Variants in UBTF observed in about 807,000 individuals in gnomAD.
UBTF encodes nucleolar transcription factor 1.
Under a neutral mutation model 112.3 loss-of-function variants are expected in UBTF, and 8 were observed. The observed-to-expected ratio is 0.07, with a 90% CI of 0.04 to 0.13. The LOEUF (loss-of-function observed/expected upper bound fraction) is 0.13, where lower values mean the gene tolerates loss of function less well. Among genes scored for constraint, UBTF ranks in the 10% least tolerant of loss-of-function variants. The pLI is 1.00. For missense variants in UBTF, 457 were observed against 982.1 expected (o/e 0.47, Z 7.15); for synonymous variants, 417 against 373.1 (o/e 1.12, Z -1.36).
At chr17:44,220,059 G>A (rs933470766), upstream of UBTF, among the ~76,000 whole-genome samples, 2 of 130,962 alleles carry the variant, frequency 1.5e-5, no homozygotes, top group Admixed American at 7.3e-5. Context: ...GGCGGCTGCT[G>A]CTGCTGCTGC....
At chr17:44,217,906 C>T (rs1179438950) in intron 2 of UBTF, among the ~76,000 whole-genome samples, 1 of 152,202 alleles carries the variant, frequency 6.6e-6, no homozygotes, top group Non-Finnish European at 1.5e-5. Context: ...ACACTTCAGG[C>T]TGAATGGGAA....
At chr17:44,214,699 A>G (rs903357388) in intron 5 of UBTF, among the ~76,000 whole-genome samples, 9 of 152,188 alleles carry the variant, frequency 5.9e-5, no homozygotes, top group African/African-American at 2.2e-4. Context: ...CAGCCAGGGT[A>G]TGCCAACCAG....
chr17:44,208,643 C>T (rs1334756747), intron 17 of UBTF: 1 of 159,068 alleles, frequency 6.3e-6, no homozygotes, highest in East Asian at 1.9e-4. Flanking sequence ...AGCAAATCCC[C>T]ACAGTCTTCC....
At chr17:44,215,374 GGAGA>G (rs1009988213) in intron 5 of UBTF, 7 of 453,484 alleles carry the variant, frequency 1.5e-5, no homozygotes, top group African/African-American at 9.8e-5. Flanking sequence ...GGTGTATGGG[GGAGA>G]GAGAGCTTGA....
chr17:44,211,799 G>A lies in UBTF; in HGVS notation c.906-52C>T. ...CAGCCCGTAAGCGAGCAGGGCAGCA[G>A]GCCTTCTCACCTGCAGAGCCCAGCC... On this transcript the variant is annotated intron_variant, in intron 9 of 20. Coordinates refer to ENST00000436088, the MANE Select transcript of UBTF (RefSeq NM_014233.4). This position sits in a 1 kb window ranked among gnomAD's most constrained non-coding sequence, Gnocchi z 4.9. 1 of 1,600,270 alleles carries A rather than the reference G, an allele frequency of 6.2e-7. No individual in the cohort carries two copies. The highest frequency in any genetic ancestry group is 8.5e-7 in the Non-Finnish European group (1 of 1,174,642).
At chr17:44,217,898 A>C (rs1212139570) in intron 2 of UBTF, among the ~76,000 whole-genome samples, 2 of 152,064 alleles carry the variant, frequency 1.3e-5, no homozygotes, top group Non-Finnish European at 2.9e-5. Flanking sequence ...GCTGGGACAC[A>C]CTTCAGGCTG....
chr17:44,207,147 G>A lies in UBTF; in HGVS notation c.*95C>T, dbSNP rs753105726. 146 of 1,396,738 alleles carry A rather than the reference G, an allele frequency of 1.0e-4. No individual in the cohort carries two copies. The highest frequency in any genetic ancestry group is 1.3e-4 in the Non-Finnish European group (134 of 1,017,516). The allele number at this position is 1,396,738 out of a possible 1,614,324, so 86.5% of individuals were successfully genotyped here. ...AGAAAGAAAGTGGGGGAGGCCAGGG[G>A]GGCAAGGGACAGAACATGGGGGAGA... On this transcript the variant is annotated 3_prime_UTR_variant, in exon 21 of 21. Coordinates refer to ENST00000436088, the MANE Select transcript of UBTF (RefSeq NM_014233.4).
rs1335990811 is a variant in UBTF, at chr17:44,216,074, C to T, written c.235-85G>A. On this transcript the variant is annotated intron_variant, in intron 3 of 20. Transcript: ENST00000436088. ...TATACCCCCATCTTATAACGGGTCT[C>T]TTCTACTCTTTACTAGACTAAATTT... 106 of 1,097,246 alleles carry T rather than the reference C, an allele frequency of 9.7e-5. 1 individual carries two copies. The East Asian group carries it at 2.2e-3, about 23-fold the overall frequency. The allele number at this position is 1,097,246 out of a possible 1,614,324, so 68.0% of individuals were successfully genotyped here.
rs369951008 is a variant in UBTF at position 44,209,659 on chromosome 17, G to A, written c.1701C>T (p.Pro567=). 51 of 1,614,032 alleles carry A rather than the reference G, an allele frequency of 3.2e-5. No homozygotes were observed. In the African/African-American group the frequency reaches 5.7e-4, roughly 18 times the overall value. ...CCCAGGCTCACATGGGAGGCTTCTT[G>A]GGTTCTCCCTGGAATTTCATCTTCT... ...SSKKMKFQGE[P]KKPPMNGYQK... The change falls in exon 16 of 21, where the codon CCC becomes CCT. Residue 567 remains proline, a synonymous_variant. Transcript: ENST00000436088.
rs774001412 is a variant in UBTF at position 44,211,941 on chromosome 17, C to T, written c.837G>A (p.Lys279=). 2 of 1,613,962 alleles carry T rather than the reference C, an allele frequency of 1.2e-6. No individual in the cohort carries two copies. The highest frequency in any genetic ancestry group is 1.7e-6 in the Non-Finnish European group (2 of 1,179,994). The change falls in exon 9 of 21, where the codon AAG becomes AAA. Residue 279 remains lysine (K), a synonymous_variant. Coordinates refer to ENST00000436088, the MANE Select transcript of UBTF (RefSeq NM_014233.4). This position sits in a 1 kb window ranked among gnomAD's most constrained non-coding sequence, Gnocchi z 4.9. ...ELNISEEGIT[K]STLTKAERQL... is the part of the protein sequence containing the mutation. ...GGCGTTCGGCCTTGGTGAGGGTGGA[C>T]TTGGTGATACCCTCCTCACTGATGT...
chr17:44,220,568 AC>A (rs1360113057), upstream of UBTF, among the ~76,000 whole-genome samples: 1 of 150,476 alleles, frequency 6.6e-6, no homozygotes, highest in Non-Finnish European at 1.5e-5. Flanking sequence ...TGCTCTTTAC[AC>A]CCCGGAAACG....
chr17:44,213,374 C>T, intron 5 of UBTF, 92 bp from the exon 6 acceptor site: 1 of 1,362,624 alleles, frequency 7.3e-7, no homozygotes, highest in East Asian at 2.4e-5. Context: ...GCTGGCTCTT[C>T]TGCCTCCCAC....
intron 17 of UBTF, 96 bp from the exon 18 acceptor site, chr17:44,208,007 T>G: frequency 6.7e-7 from 1 of 1,502,704 alleles, no homozygotes; most frequent in South Asian, 1.2e-5. Context: ...AGCATTTATA[T>G]ATCATCACCC....
chr17:44,216,257 T>C, intron 3 of UBTF: 1 of 603,144 alleles, frequency 1.7e-6, no homozygotes, highest in Non-Finnish European at 2.9e-6. Context: ...TGCTAACACC[T>C]CCGTCAATCT....
rs770559932 is a variant in UBTF at position 44,209,636 on chromosome 17, C to G, written c.1715+9G>C. 9 of 1,614,216 alleles carry G rather than the reference C, an allele frequency of 5.6e-6. No homozygotes were observed. Among genetic ancestry groups the G allele is most frequent in the Non-Finnish European group, 7.6e-6 (9 of 1,180,034 alleles). On this transcript the variant is annotated intron_variant, in intron 16 of 20. Transcript: ENST00000436088. The stretch of plus-strand genomic sequence containing the variant: ...GACCTCCAGGGCAGACTCCAACCCC[C>G]AGGCTCACATGGGAGGCTTCTTGGG...
At position 44,209,335 on chromosome 17, in the gene UBTF, G is replaced by T; in HGVS notation, c.1905+17C>A. ...TGATGCCTCTCTGTTCCTTCCAAGG[G>T]TCCCTTGCCCTCTCACCTTAACCCA... is the stretch of plus-strand genomic sequence containing the variant. On this transcript the variant is annotated intron_variant, in intron 17 of 20. Coordinates refer to ENST00000436088, the MANE Select transcript of UBTF (RefSeq NM_014233.4). The T allele has an allele frequency of 5.7e-6, 9 of 1,576,036 alleles. No individual in the cohort carries two copies. The highest frequency in any genetic ancestry group is 6.9e-6 in the Non-Finnish European group (8 of 1,157,890).
rs1221664874 is a variant in UBTF at position 44,212,346 on chromosome 17, C to G, written c.769G>C (p.Glu257Gln). ...HKALEQRKEY[E>Q]EIMRDYIQKH... is the part of the protein sequence containing the mutation. ...GAGGAGCGCAGCGGAAGCCTAACCT[C>G]GTACTCCTTCCGCTGCTCCAGGGCC... is the stretch of plus-strand genomic sequence containing the variant. Residue 257 changes from glutamate (E) to glutamine (Q), a missense_variant and splice_region_variant, in exon 8 of 21, where the codon GAG (glutamate) becomes CAG (glutamine). Transcript: ENST00000436088. The G allele has an allele frequency of 1.9e-6, 3 of 1,612,292 alleles. No homozygotes were observed. The highest frequency in any genetic ancestry group is 1.3e-5 in the African/African-American group (1 of 74,840).
At position 44,211,354 on chromosome 17, in the gene UBTF, G is replaced by A. The variant is rs2056665121; in HGVS notation, c.1048-23C>T. 1.2e-6 allele frequency: 2 copies of A among 1,613,542 alleles called. No individual in the cohort carries two copies. Among genetic ancestry groups the A allele is most frequent in the African/African-American group, 1.3e-5 (1 of 74,870 alleles). On this transcript the variant is annotated intron_variant, in intron 10 of 20. Coordinates refer to ENST00000436088, the MANE Select transcript of UBTF (RefSeq NM_014233.4). The surrounding 1 kb of genome is among the most constrained non-coding windows in gnomAD (Gnocchi z 4.9). ...TTTCTGGGAAAGTGAGTGGAGTCAG[G>A]ATCAGTCTGGAGACAGTGTCACCAC...
chr17:44,207,848 C>T lies in UBTF; in HGVS notation c.1953+16G>A, dbSNP rs1270155659. The T allele has an allele frequency of 6.2e-7, 1 of 1,614,150 alleles. No homozygotes were observed. Among genetic ancestry groups the T allele is most frequent in the African/African-American group, 1.3e-5 (1 of 75,008 alleles). ...CCCCCACCCCTACCCCACTGCTGCT[C>T]TGCTCCCAGACTCACATTGGAGATG... On this transcript the variant is annotated intron_variant, in intron 18 of 20. Transcript: ENST00000436088.
Sources: gnomAD v4.1 joint callset for allele counts (sites outside exome capture counted in the v4.1 genomes callset) on GRCh38, gnomAD v4.1.1 for gene constraint, Gnocchi (gnomAD v3.1) non-coding constraint, MANE v1.5 for transcripts, NCBI Gene and HGNC (gene_info 2026-07-23, HGNC 2026-07-21) for gene names.